OXR1: variants seen among roughly 807,000 people sequenced by gnomAD.
OXR1 encodes the protein oxidation resistance 1, also known as oxidation resistance protein 1.
Under a neutral mutation model 104.6 loss-of-function variants are expected in OXR1, and 41 were observed. The ratio of observed to expected loss-of-function variants is 0.39; its 90% confidence interval spans 0.31 to 0.51. OXR1 has a LOEUF of 0.51. OXR1 is among the 20% of genes least tolerant of loss of function. The pLI is 0.77. For synonymous variants in OXR1, 348 were observed against 348.4 expected, an observed-to-expected ratio of 1.00 and a Z score of 0.01; for missense variants, 955 against 1,031.9, an observed-to-expected ratio of 0.93 and a Z score of 1.02.
intron 2 of OXR1, among the ~76,000 whole-genome samples, chr8:106,428,866 G>A (rs566472354): frequency 1.8e-4 from 28 of 152,084 alleles, no homozygotes; most frequent in Admixed American, 8.5e-4. Context: ...ACATCAGTAA[G>A]CATCTCATTG....
chr8:106,641,236 G>C (rs1823601642), intron 3 of OXR1, among the ~76,000 whole-genome samples: 1 of 152,136 alleles, frequency 6.6e-6, no homozygotes, highest in Non-Finnish European at 1.5e-5. Flanking sequence ...AGTCAAACTG[G>C]TATAAAGAAG....
At chr8:106,478,502 G>A (rs1821925644) in intron 2 of OXR1, among the ~76,000 whole-genome samples, 1 of 151,912 alleles carries the variant, frequency 6.6e-6, no homozygotes, top group Middle Eastern at 3.4e-3. Context: ...TTTTGTGTCA[G>A]AATAGTAAGT....
rs192519051 is a variant in OXR1, at chr8:106,709,141, T to G, written c.1625-1481T>G. On this transcript the variant is annotated intron_variant, in intron 9 of 16. Coordinates refer to ENST00000517566, the MANE Select transcript of OXR1 (RefSeq NM_001198533.2). ...TTCTAGAAAATTTATAAAAATCTTC[T>G]GGAATTCATCACCCAGAGATGATCA... 2.3e-3 allele frequency among the ~76,000 whole-genome samples: 349 copies of G among 152,308 alleles called. 3 individuals are homozygous for G. Among genetic ancestry groups the G allele is most frequent in the Middle Eastern group, 6.8e-3 (2 of 294 alleles).
chr8:106,490,142 G>A (rs897388340), intron 2 of OXR1, among the ~76,000 whole-genome samples: 1 of 152,102 alleles, frequency 6.6e-6, no homozygotes, highest in Non-Finnish European at 1.5e-5. Flanking sequence ...AGCCATCTTC[G>A]CCACCAGCCA....
intron 2 of OXR1, among the ~76,000 whole-genome samples, chr8:106,400,756 A>T (rs988137124): frequency 2.0e-5 from 3 of 152,182 alleles, no homozygotes; most frequent in Non-Finnish European, 4.4e-5. Flanking sequence ...ATTCTGAATC[A>T]CACTTAGAGA....
chr8:106,703,729 T>C (rs977764868), intron 8 of OXR1, among the ~76,000 whole-genome samples: 2 of 150,946 alleles, frequency 1.3e-5, no homozygotes, highest in African/African-American at 4.9e-5. Context: ...TTGTCCAAAG[T>C]AATGGCCAGA....
intron 2 of OXR1, among the ~76,000 whole-genome samples, chr8:106,416,393 T>C (rs2085745950): frequency 6.6e-6 from 1 of 152,128 alleles, no homozygotes; most frequent in African/African-American, 2.4e-5. Flanking sequence ...AAGGGGTCAA[T>C]TGCTGTGGCT....
chr8:106,386,128 G>A (rs981829443), intron 2 of OXR1, among the ~76,000 whole-genome samples: 1 of 152,150 alleles, frequency 6.6e-6, no homozygotes, highest in African/African-American at 2.4e-5. Flanking sequence ...ATGGTTGGAA[G>A]CTTCTGTAAC....
At chr8:106,273,124 G>C (rs551236790) in intron 1 of OXR1, among the ~76,000 whole-genome samples, 1 of 152,066 alleles carries the variant, frequency 6.6e-6, no homozygotes, top group East Asian at 1.9e-4. Context: ...GCTGGTTCCT[G>C]GTCCTTAAGT....
chr8:106,275,756 T>C (rs1347106701), intron 1 of OXR1, among the ~76,000 whole-genome samples: 1 of 152,170 alleles, frequency 6.6e-6, no homozygotes, highest in South Asian at 2.1e-4. Flanking sequence ...AAACACCTTA[T>C]GTTGTTCTTG....
At chr8:106,453,133 G>T (rs1181517858) in intron 2 of OXR1, among the ~76,000 whole-genome samples, 1 of 152,126 alleles carries the variant, frequency 6.6e-6, no homozygotes, top group African/African-American at 2.4e-5. Flanking sequence ...AGATGTGACT[G>T]CCCCTTGGAG....
intron 2 of OXR1, among the ~76,000 whole-genome samples, chr8:106,508,777 T>C (rs368165195): frequency 6.6e-6 from 1 of 152,200 alleles, no homozygotes; most frequent in African/African-American, 2.4e-5. Context: ...GTACCTTCTT[T>C]TCCTGTCTTT....
intron 2 of OXR1, among the ~76,000 whole-genome samples, chr8:106,450,920 A>G (rs1820279130): frequency 6.6e-6 from 1 of 152,034 alleles, no homozygotes; most frequent in African/African-American, 2.4e-5. Context: ...ACTGAAGCAA[A>G]TTTGCTAATT....
At chr8:106,427,525 T>C (rs1245017115) in intron 2 of OXR1, among the ~76,000 whole-genome samples, 3 of 152,216 alleles carry the variant, frequency 2.0e-5, no homozygotes, top group Non-Finnish European at 4.4e-5. Flanking sequence ...GGCGTCACTG[T>C]ACATTGTCGT....
intron 1 of OXR1, among the ~76,000 whole-genome samples, chr8:106,319,406 A>G (rs1190629344): frequency 6.6e-6 from 1 of 152,216 alleles, no homozygotes; most frequent in Non-Finnish European, 1.5e-5. Flanking sequence ...TTATATCCAG[A>G]AGGAAAGCAA....
intron 2 of OXR1, among the ~76,000 whole-genome samples, chr8:106,470,820 T>C (rs1035843822): frequency 7.9e-5 from 12 of 151,536 alleles, no homozygotes; most frequent in Non-Finnish European, 1.2e-4. Flanking sequence ...ATCTTAGACA[T>C]TAAGTGAAGG....
At chr8:106,499,391 T>TA (rs1476988292) in intron 2 of OXR1, among the ~76,000 whole-genome samples, 2 of 152,206 alleles carry the variant, frequency 1.3e-5, no homozygotes, top group Non-Finnish European at 2.9e-5. Flanking sequence ...GGAAAGAGTG[T>TA]ATACGTTTCA....
At chr8:106,514,390 C>T (rs1812731635) in intron 2 of OXR1, among the ~76,000 whole-genome samples, 1 of 152,134 alleles carries the variant, frequency 6.6e-6, no homozygotes, top group Admixed American at 6.6e-5. Flanking sequence ...ATTACCCACA[C>T]AGTTCTGCTT....
chr8:106,354,863 C>T (rs781509909), intron 1 of OXR1, among the ~76,000 whole-genome samples: 9 of 151,734 alleles, frequency 5.9e-5, no homozygotes, highest in South Asian at 4.2e-4. Flanking sequence ...TACAACTAAA[C>T]GAATTTATTA....
Sources: gnomAD v4.1 joint callset for allele counts (sites outside exome capture counted in the v4.1 genomes callset) on GRCh38, gnomAD v4.1.1 for gene constraint, MANE v1.5 for transcripts, NCBI Gene and HGNC (gene_info 2026-07-23, HGNC 2026-07-21) for gene names.